The following RSPO2 variants were observed in gnomAD, a reference collection of about 807,000 sequenced individuals.
The protein encoded by RSPO2 is R-spondin-2.
RSPO2 carries 14 observed loss-of-function variants against 30.9 expected under a neutral mutation model. The ratio of observed to expected loss-of-function variants is 0.45; its 90% CI spans 0.30 to 0.71. RSPO2 has a LOEUF of 0.71. Ranked by LOEUF, RSPO2 falls within the 30% of genes least tolerant of loss-of-function variation. The probability of loss-of-function intolerance (pLI) is 0.08; values close to 1 mark genes in which losing one functional copy is unlikely to be tolerated. For synonymous variants in RSPO2, 107 were observed against 96.4 expected, an observed-to-expected ratio of 1.11 and a Z score of -0.64; for missense variants, 264 against 301.9, an observed-to-expected ratio of 0.87 and a Z score of 0.93.
chr8:108,001,242 T>A (rs1009890425), intron 2 of RSPO2, among the ~76,000 whole-genome samples: 12 of 152,104 alleles, frequency 7.9e-5, no homozygotes, highest in Non-Finnish European at 1.6e-4. Context: ...CAGTCATGAA[T>A]ACCCCAAATC....
chr8:107,953,433 CT>C (rs1411616025), intron 5 of RSPO2, among the ~76,000 whole-genome samples: 1 of 152,154 alleles, frequency 6.6e-6, no homozygotes, highest in Admixed American at 6.5e-5. Context: ...CACTTTGGCC[CT>C]TATGCAATGA....
chr8:108,015,497 G>C (rs1235923890), intron 2 of RSPO2, among the ~76,000 whole-genome samples: 1 of 152,118 alleles, frequency 6.6e-6, no homozygotes, highest in African/African-American at 2.4e-5. Flanking sequence ...TGAGCCCTCT[G>C]CTCTGGACTA....
intron 2 of RSPO2, among the ~76,000 whole-genome samples, chr8:108,065,043 G>C (rs1451139676): frequency 1.3e-5 from 2 of 151,906 alleles, no homozygotes; most frequent in African/African-American, 4.8e-5. Flanking sequence ...AAGGGGGAGG[G>C]ATAGCATTAG....
At chr8:108,044,215 T>C (rs1344884690) in intron 2 of RSPO2, among the ~76,000 whole-genome samples, 1 of 152,062 alleles carries the variant, frequency 6.6e-6, no homozygotes, top group Non-Finnish European at 1.5e-5. Flanking sequence ...GGAAGAAGTC[T>C]TTTCTGGGGA....
chr8:108,030,034 T>C (rs930266392), intron 2 of RSPO2, among the ~76,000 whole-genome samples: 3 of 148,206 alleles, frequency 2.0e-5, no homozygotes, highest in Non-Finnish European at 3.0e-5. Context: ...AATGACCCTC[T>C]CCTTTTGTCT....
rs540467465 is a variant in RSPO2, at chr8:108,003,034, G to A, written c.95-13790C>T. Among the ~76,000 whole-genome samples, 4 of 147,912 alleles carry A rather than the reference G, an allele frequency of 2.7e-5. No individual in the cohort carries two copies. The South Asian group carries it at 8.5e-4, about 31-fold the overall frequency. ...ATTACTGAATCTCCAGACTTGCACA[G>A]AATTTAGACCTCAATAATTTTTTTT... On this transcript the variant is annotated intron_variant, in intron 2 of 5. Coordinates refer to ENST00000276659, the MANE Select transcript of RSPO2 (RefSeq NM_178565.5).
chr8:108,073,992 T>C (rs867065868), intron 2 of RSPO2, among the ~76,000 whole-genome samples: 2 of 152,226 alleles, frequency 1.3e-5, no homozygotes, highest in African/African-American at 4.8e-5. Context: ...AGGAAAGAGA[T>C]GAAACTTGGA....
intron 2 of RSPO2, among the ~76,000 whole-genome samples, chr8:108,056,354 C>T (rs1031910405): frequency 3.9e-5 from 6 of 152,054 alleles, no homozygotes; most frequent in Admixed American, 2.6e-4. Flanking sequence ...CATAGTGACT[C>T]ACACCTGTAA....
intron 2 of RSPO2, among the ~76,000 whole-genome samples, chr8:108,047,222 G>C (rs888293492): frequency 6.6e-6 from 1 of 152,206 alleles, no homozygotes; most frequent in Non-Finnish European, 1.5e-5. Context: ...AGTATTATTA[G>C]TGAATGCAAC....
intron 5 of RSPO2, among the ~76,000 whole-genome samples, chr8:107,957,765 T>C (rs112810268): frequency 6.6e-6 from 1 of 152,170 alleles, no homozygotes. Flanking sequence ...CCTGATTTCG[T>C]AAGAACCCGC....
intron 2 of RSPO2, among the ~76,000 whole-genome samples, chr8:107,993,118 A>G (rs1394513523): frequency 6.6e-6 from 1 of 152,210 alleles, no homozygotes; most frequent in East Asian, 1.9e-4. Context: ...CACAAAAATA[A>G]CACAGAAGAC....
chr8:108,016,452 A>G (rs1468853282), intron 2 of RSPO2, among the ~76,000 whole-genome samples: 1 of 152,224 alleles, frequency 6.6e-6, no homozygotes, highest in Non-Finnish European at 1.5e-5. Flanking sequence ...AAAGGATAAA[A>G]TAAGATAGCT....
intron 2 of RSPO2, among the ~76,000 whole-genome samples, chr8:108,033,216 T>C (rs927847932): frequency 5.3e-5 from 8 of 152,152 alleles, no homozygotes; most frequent in Admixed American, 5.2e-4. Flanking sequence ...TTTCTTATTG[T>C]ATACTGCAGC....
chr8:107,926,987 A>T (rs11994795), intron 5 of RSPO2, among the ~76,000 whole-genome samples: 12,424 of 152,108 alleles, frequency 0.082, 1,731 homozygotes, highest in African/African-American at 0.28. Context: ...TACCTTGGGC[A>T]GTATGGCCAT....
chr8:107,982,990 C>T (rs370423063), intron 3 of RSPO2: 73 of 590,578 alleles, frequency 1.2e-4, no homozygotes, highest in African/African-American at 9.1e-4. Context: ...TCAGCGCCTA[C>T]GACTGGCTCC....
intron 2 of RSPO2, among the ~76,000 whole-genome samples, chr8:108,051,781 G>A (rs930170283): frequency 5.9e-5 from 9 of 152,190 alleles, no homozygotes; most frequent in Non-Finnish European, 7.3e-5. Flanking sequence ...TCCCATCTGG[G>A]ACTCCAGCTC....
chr8:108,081,775 T>A (rs1157283598), intron 2 of RSPO2: 3 of 356,830 alleles, frequency 8.4e-6, no homozygotes, highest in Non-Finnish European at 1.2e-5. Context: ...AAGCCGCAAG[T>A]GAATTTCATT....
At chr8:107,998,364 A>G (rs531903382) in intron 2 of RSPO2, among the ~76,000 whole-genome samples, 129 of 152,300 alleles carry the variant, frequency 8.5e-4, no homozygotes, top group Admixed American at 1.6e-3. Flanking sequence ...GTAATCATGT[A>G]TACTACCAAG....
chr8:107,922,203 CACAG>C (rs150259777), intron 5 of RSPO2, among the ~76,000 whole-genome samples: 14,296 of 152,126 alleles, frequency 0.094, 762 homozygotes, highest in South Asian at 0.16. Flanking sequence ...TAGAAAACCC[CACAG>C]CCTCAGCCCT....
Sources: allele counts gnomAD v4.1 joint callset (sites outside exome capture counted in the v4.1 genomes callset), GRCh38; gene constraint gnomAD v4.1.1; transcripts MANE v1.5; gene names NCBI Gene and HGNC (gene_info 2026-07-23, HGNC 2026-07-21).